The following FBXO16 variants were observed in gnomAD, a reference collection of about 807,000 sequenced individuals.
The protein encoded by FBXO16 is F-box only protein 16.
FBXO16 carries 31 observed loss-of-function variants against 41.0 expected under a neutral mutation model. That is an observed-to-expected ratio of 0.76 (90% CI 0.57 to 1.02). The LOEUF is 1.02. Among genes scored for constraint, FBXO16 ranks in the 50% least tolerant of loss-of-function variants. The probability of loss-of-function intolerance (pLI) is 0.00; values close to 1 mark genes in which losing one functional copy is unlikely to be tolerated. For missense variants in FBXO16, 361 were observed against 346.2 expected (o/e 1.04, Z -0.34); for synonymous variants, 133 against 117.8 (o/e 1.13, Z -0.84).
chr8:28,457,997 T>A (rs1413963033), intron 4 of FBXO16, among the ~76,000 whole-genome samples: 3 of 152,188 alleles, frequency 2.0e-5, no homozygotes, highest in Non-Finnish European at 4.4e-5. Flanking sequence ...CAAGTTCACA[T>A]ATAAAGCTGA....
At position 28,431,057 on chromosome 8, in the gene FBXO16, C is replaced by T. The variant is rs1030180375; in HGVS notation, c.844-1654G>A. Among the ~76,000 whole-genome samples, 8 of 152,228 alleles carry T rather than the reference C, an allele frequency of 5.3e-5. 1 individual carries two copies. Among genetic ancestry groups the T allele is most frequent in the Non-Finnish European group, 1.0e-4 (7 of 68,042 alleles). ...CTATGACACAAGAATGGGCTAGTCA[C>T]ATCTCACCTGTAACAGTTTCAAATT... On this transcript the variant is annotated intron_variant, in intron 7 of 8. Coordinates refer to ENST00000380254, the MANE Select transcript of FBXO16 (RefSeq NM_172366.4).
At chr8:28,448,940 C>A (rs1450163202) in intron 6 of FBXO16, 1 of 152,190 alleles carries the variant, frequency 6.6e-6, no homozygotes, top group African/African-American at 2.4e-5. Context: ...TATTTCCTGC[C>A]TTGCCATTTA....
rs1206368155 is a variant in FBXO16, at chr8:28,452,216, A to C, written c.740+28T>G. The stretch of plus-strand genomic sequence containing the variant: ...CAATAAATTATTTCTAAAAACGAAG[A>C]AGTTGAGAAGAGCATGGAGCTTCTT... On this transcript the variant is annotated intron_variant, in intron 6 of 8. Transcript: ENST00000380254. The C allele has an allele frequency of 6.3e-6, 10 of 1,574,854 alleles. No individual in the cohort carries two copies. In the Admixed American group the frequency reaches 1.5e-4, roughly 23 times the overall value.
At chr8:28,455,654 G>A (rs1463425002) in intron 5 of FBXO16, 3 of 152,168 alleles carry the variant, frequency 2.0e-5, no homozygotes, top group African/African-American at 7.2e-5. Context: ...CCCTAACTGA[G>A]AATGAGATGC....
At chr8:28,429,178 G>C (rs1802570806) in intron 8 of FBXO16, among the ~76,000 whole-genome samples, 200 bp downstream of exon 8, 1 of 152,020 alleles carries the variant, frequency 6.6e-6, no homozygotes, top group African/African-American at 2.4e-5. Flanking sequence ...ATTTTTTAGA[G>C]ATGAGGTCTC....
intron 3 of FBXO16, among the ~76,000 whole-genome samples, chr8:28,467,598 C>T (rs1268626223): frequency 1.3e-5 from 2 of 152,024 alleles, no homozygotes; most frequent in Admixed American, 1.3e-4. Flanking sequence ...AAAAGATGTG[C>T]GCATAAAATT....
chr8:28,461,518 T>C (rs1417991750), intron 4 of FBXO16, among the ~76,000 whole-genome samples: 3 of 152,098 alleles, frequency 2.0e-5, no homozygotes, highest in African/African-American at 7.2e-5. Context: ...AGATTACTTG[T>C]TCATTTCCTT....
chr8:28,434,805 G>C (rs1378397072), intron 7 of FBXO16, among the ~76,000 whole-genome samples: 1 of 152,262 alleles, frequency 6.6e-6, no homozygotes, highest in Non-Finnish European at 1.5e-5. Flanking sequence ...GCGGGACCCA[G>C]TCGGCCGCTC....
At chr8:28,430,770 A>G (rs182772561) in intron 7 of FBXO16, among the ~76,000 whole-genome samples, 276 of 152,310 alleles carry the variant, frequency 1.8e-3, no homozygotes, top group African/African-American at 5.7e-3. Context: ...TCAGGAGTTG[A>G]GACCAGCCTG....
intron 3 of FBXO16, among the ~76,000 whole-genome samples, chr8:28,467,548 T>A (rs113307058): frequency 7.2e-5 from 11 of 152,318 alleles, no homozygotes; most frequent in African/African-American, 2.6e-4. Context: ...AATGTCACAG[T>A]GATGTTAAAA....
intron 6 of FBXO16, among the ~76,000 whole-genome samples, chr8:28,450,181 T>G (rs1440440859): frequency 6.6e-6 from 1 of 152,084 alleles, no homozygotes; most frequent in Non-Finnish European, 1.5e-5. Flanking sequence ...TATGGTCTAT[T>G]GACTTTCAAC....
chr8:28,478,085 C>T (rs1803451574), intron 2 of FBXO16, among the ~76,000 whole-genome samples: 1 of 152,144 alleles, frequency 6.6e-6, no homozygotes, highest in Non-Finnish European at 1.5e-5. Flanking sequence ...TTGTACACAA[C>T]TTACGTGTAT....
At chr8:28,460,243 A>AT (rs1350204892) in intron 4 of FBXO16, among the ~76,000 whole-genome samples, 20 of 93,796 alleles carry the variant, frequency 2.1e-4, no homozygotes, top group South Asian at 3.3e-4. Context: ...ATATATATAT[A>AT]TATTTTTTTT....
intron 1 of FBXO16, among the ~76,000 whole-genome samples, chr8:28,489,148 A>C (rs374732359): frequency 3.3e-5 from 5 of 152,118 alleles, no homozygotes; most frequent in African/African-American, 9.7e-5. Context: ...CCTGGGCAAC[A>C]CAGTGAAACC....
intron 7 of FBXO16, among the ~76,000 whole-genome samples, chr8:28,445,190 T>C (rs1334737752): frequency 1.3e-5 from 2 of 152,138 alleles, no homozygotes; most frequent in African/African-American, 2.4e-5. Context: ...AACACAAGAA[T>C]AGACAGATAC....
chr8:28,443,250 C>T (rs1340657366), intron 7 of FBXO16, among the ~76,000 whole-genome samples: 13 of 152,102 alleles, frequency 8.5e-5, no homozygotes, highest in Admixed American at 7.9e-4. Context: ...GTCTCAAACT[C>T]CTGGCCTCAA....
At chr8:28,490,088 A>G (rs1803666787) in intron 1 of FBXO16, 98 bp downstream of exon 1, 1 of 152,244 alleles carries the variant, frequency 6.6e-6, no homozygotes. Flanking sequence ...AGAGGGCACA[A>G]TGAAATCCCC....
intron 5 of FBXO16, 77 bp downstream of exon 5, chr8:28,456,689 C>T (rs1316964297): frequency 6.6e-7 from 1 of 1,526,008 alleles, no homozygotes; most frequent in Non-Finnish European, 8.9e-7. Context: ...AACTTCCAGT[C>T]TGATCCTTTA....
At chr8:28,471,504 C>CA (rs1345374536) in intron 3 of FBXO16, among the ~76,000 whole-genome samples, 1 of 151,762 alleles carries the variant, frequency 6.6e-6, no homozygotes, top group Admixed American at 6.6e-5. Context: ...ATGAAACACA[C>CA]AAACAAAGAA....
Sources: allele counts gnomAD v4.1 joint callset (sites outside exome capture counted in the v4.1 genomes callset), GRCh38; gene constraint gnomAD v4.1.1; transcripts MANE v1.5; gene names NCBI Gene and HGNC (gene_info 2026-07-23, HGNC 2026-07-21).